Variants in DEFB131B observed in about 807,000 individuals in gnomAD.
DEFB131B encodes the protein beta-defensin 131B.
Under a neutral mutation model 2.1 loss-of-function variants are expected in DEFB131B, and 2 were observed. The ratio of observed to expected loss-of-function variants is 0.94; its 90% CI spans 0.38 to 2.95. The LOEUF is 2.95. DEFB131B is among the 30% of genes most tolerant of loss of function. The probability of loss-of-function intolerance (pLI) is 0.09; values close to 1 mark genes in which losing one functional copy is unlikely to be tolerated. For synonymous variants in DEFB131B, 26 were observed against 25.8 expected, an observed-to-expected ratio of 1.01 and a Z score of -0.03; for missense variants, 77 against 78.5, an observed-to-expected ratio of 0.98 and a Z score of 0.07.
chr11:71,881,525 C>T (rs1182248002), intron 1 of DEFB131B, among the ~76,000 whole-genome samples: 1 of 152,028 alleles, frequency 6.6e-6, no homozygotes, highest in Non-Finnish European at 1.5e-5. Context: ...CCTCTTATGG[C>T]ATTTTTTTGT....
At chr11:71,882,511 GCAGGCCAC>G (rs1381577273) in intron 1 of DEFB131B, among the ~76,000 whole-genome samples, 51 of 152,328 alleles carry the variant, frequency 3.3e-4, no homozygotes, top group African/African-American at 1.2e-3. Flanking sequence ...GATTAAAGGT[GCAGGCCAC>G]CATGCCCAGC....
At chr11:71,880,756 T>C in intron 1 of DEFB131B, among the ~76,000 whole-genome samples, 1 of 152,196 alleles carries the variant, frequency 6.6e-6, no homozygotes. Context: ...TCTTCTGAGT[T>C]TTTTCATTGA....
At chr11:71,879,217 C>A (rs1338905150) in intron 1 of DEFB131B, among the ~76,000 whole-genome samples, 3 of 152,102 alleles carry the variant, frequency 2.0e-5, no homozygotes, top group Non-Finnish European at 4.4e-5. Context: ...GACCTAGCCT[C>A]TGTGTTCCTT....
chr11:71,878,508 C>A lies in DEFB131B; in HGVS notation c.56C>A (p.Pro19Gln), dbSNP rs545212655. 1 of 1,610,418 alleles carries A rather than the reference C, an allele frequency of 6.2e-7. No homozygotes were observed. The highest frequency in any genetic ancestry group is 8.5e-7 in the Non-Finnish European group (1 of 1,179,568). The change falls in exon 1 of 2, where the codon CCA becomes CAA. Residue 19 changes from proline (P) to glutamine (Q), a missense_variant and splice_region_variant. By Grantham distance (76) the Pro-to-Gln change is moderately conservative. Transcript: ENST00000530210. Reference sequence around the variant, plus strand: ...CTTTCCTTGATGTCCACAGTTCCTCCAAGTAAGGCAGAAACTTTTTTATTC... The same window carrying A: ...CTTTCCTTGATGTCCACAGTTCCTCAAAGTAAGGCAGAAACTTTTTTATTC... The part of the protein sequence containing the change: ...GVLSLMSTVP[P>Q]TRSFTSNDEC...
At chr11:71,883,811 G>A (rs1414800248) in intron 1 of DEFB131B, among the ~76,000 whole-genome samples, 1 of 152,168 alleles carries the variant, frequency 6.6e-6, no homozygotes, top group Non-Finnish European at 1.5e-5. Context: ...CAGTAAAGGA[G>A]ACATGGCCTT....
intron 1 of DEFB131B, among the ~76,000 whole-genome samples, chr11:71,879,139 G>A (rs1363942321): frequency 6.6e-6 from 1 of 152,182 alleles, no homozygotes; most frequent in African/African-American, 2.4e-5. Context: ...AAGGGCTAGA[G>A]GTGAAGAGGT....
intron 1 of DEFB131B, among the ~76,000 whole-genome samples, chr11:71,881,164 T>A (rs1352805476): frequency 6.6e-6 from 1 of 152,214 alleles, no homozygotes; most frequent in Non-Finnish European, 1.5e-5. Context: ...TTAGCTCTAA[T>A]GACATTTTTA....
chr11:71,881,597 G>T (rs1952562931), intron 1 of DEFB131B, among the ~76,000 whole-genome samples: 1 of 151,848 alleles, frequency 6.6e-6, no homozygotes, highest in African/African-American at 2.4e-5. Flanking sequence ...TTGCACGAGG[G>T]CCATACCCTG....
intron 1 of DEFB131B, among the ~76,000 whole-genome samples, chr11:71,883,163 A>G (rs1305492717): frequency 6.6e-6 from 1 of 152,194 alleles, no homozygotes; most frequent in African/African-American, 2.4e-5. Flanking sequence ...AAATATCCAT[A>G]CTATTCAAAG....
intron 1 of DEFB131B, among the ~76,000 whole-genome samples, chr11:71,881,671 G>A (rs1288540853): frequency 6.6e-6 from 1 of 151,952 alleles, no homozygotes; most frequent in African/African-American, 2.4e-5. Context: ...ATTACATTCT[G>A]AGATACTAAA....
At chr11:71,882,751 T>G (rs1952579248) in intron 1 of DEFB131B, among the ~76,000 whole-genome samples, 2 of 152,160 alleles carry the variant, frequency 1.3e-5, no homozygotes, top group African/African-American at 2.4e-5. Context: ...GCAAGAACAA[T>G]TAGGCAAGAA....
At chr11:71,883,173 G>T (rs2121355979) in intron 1 of DEFB131B, among the ~76,000 whole-genome samples, 1 of 152,156 alleles carries the variant, frequency 6.6e-6, no homozygotes, top group East Asian at 1.9e-4. Context: ...ACTATTCAAA[G>T]CAATTTATAG....
chr11:71,882,911 GA>G (rs762480064), intron 1 of DEFB131B, among the ~76,000 whole-genome samples: 7 of 152,114 alleles, frequency 4.6e-5, no homozygotes, highest in African/African-American at 7.2e-5. Flanking sequence ...TTGCAGGATA[GA>G]AAATCAACCT....
At chr11:71,878,555 A>C (rs1952539579) in intron 1 of DEFB131B, 45 bp downstream of exon 1, 1 of 1,587,186 alleles carries the variant, frequency 6.3e-7, no homozygotes, top group East Asian at 2.2e-5. Flanking sequence ...AAATATAAGT[A>C]AAAGAAAATG....
Position 71,884,509 on chromosome 11 carries a change from G to A in DEFB131B, c.161G>A (p.Ser54Asn). 3 of 1,609,572 alleles carry A rather than the reference G, an allele frequency of 1.9e-6. No individual in the cohort carries two copies. Among genetic ancestry groups the A allele is most frequent in the Non-Finnish European group, 2.5e-6 (3 of 1,178,444 alleles). ...EHAIRYCADF[S>N]ICCKLKIIQI... ...GCAATTAGATACTGTGCTGACTTCA[G>A]CATCTGCTGCAAACTGAAGATCATT... The change falls in exon 2 of 2, where the codon AGC becomes AAC. Residue 54 changes from serine to asparagine, a missense_variant. By Grantham distance (46) the Ser-to-Asn change is conservative. Transcript: ENST00000530210.
At chr11:71,880,325 C>G (rs1365267009) in intron 1 of DEFB131B, among the ~76,000 whole-genome samples, 3 of 152,114 alleles carry the variant, frequency 2.0e-5, no homozygotes, top group South Asian at 4.1e-4. Flanking sequence ...ATAACAGACT[C>G]TAATGATCCA....
At chr11:71,879,400 A>G (rs935281517) in intron 1 of DEFB131B, among the ~76,000 whole-genome samples, 5 of 152,330 alleles carry the variant, frequency 3.3e-5, no homozygotes, top group Non-Finnish European at 7.4e-5. Context: ...AAATTCATCA[A>G]TACCCCATAA....
intron 1 of DEFB131B, among the ~76,000 whole-genome samples, chr11:71,878,762 A>T (rs1952540599): frequency 6.6e-6 from 1 of 151,752 alleles, no homozygotes; most frequent in Admixed American, 6.6e-5. Flanking sequence ...GGGGAGTTTG[A>T]GGTGGGTGAG....
rs1952603451 is a variant in DEFB131B at position 71,884,553 on chromosome 11, A to C, written c.205A>C (p.Lys69Gln). The change falls in exon 2 of 2, where the codon AAG becomes CAG. Residue 69 changes from lysine (K) to glutamine (Q), a missense_variant. Lys to Gln is a moderately conservative substitution (Grantham distance 53). Transcript: ENST00000530210. The stretch of plus-strand genomic sequence containing the variant: ...GATCATTCAAATTGATGGACAAAAG[A>C]AGTGGTGAAAATTCTAACTCCATCT... ...LKIIQIDGQK[K>Q]W is the part of the protein sequence containing the mutation. The C allele has an allele frequency of 1.2e-6, 2 of 1,602,692 alleles. No homozygotes were observed. The highest frequency in any genetic ancestry group is 4.5e-5 in the East Asian group (2 of 44,506).
Sources: gnomAD v4.1 joint callset for allele counts (sites outside exome capture counted in the v4.1 genomes callset) on GRCh38, gnomAD v4.1.1 for gene constraint, MANE v1.5 for transcripts, NCBI Gene and HGNC (gene_info 2026-07-23, HGNC 2026-07-21) for gene names.